The following PCLAF variants were observed in gnomAD, a reference collection of about 807,000 sequenced individuals.
The protein encoded by PCLAF is PCNA-associated factor.
In PCLAF, 12 loss-of-function variants were observed where a neutral mutation model predicts 15.1. That is an observed-to-expected ratio of 0.79 (90% confidence interval 0.51 to 1.29). PCLAF has a LOEUF of 1.29. Ranked by LOEUF, PCLAF falls within the 50% of genes most tolerant of loss-of-function variation. The pLI, the probability that PCLAF is intolerant of heterozygous loss-of-function variation, is 0.00. For missense variants in PCLAF, 116 were observed against 130.9 expected, an observed-to-expected ratio of 0.89 and a Z score of 0.56; for synonymous variants, 33 against 47.1, an observed-to-expected ratio of 0.70 and a Z score of 1.22.
intron 3 of PCLAF, among the ~76,000 whole-genome samples, chr15:64,368,480 T>G (rs573552883): frequency 6.6e-6 from 1 of 152,106 alleles, no homozygotes; most frequent in African/African-American, 2.4e-5. Context: ...GCATCATAAC[T>G]CTGTTAAAGG....
rs1473780852 is a variant in PCLAF, at chr15:64,376,812, T to C, written c.221A>G (p.Lys74Arg). The stretch of plus-strand genomic sequence containing the variant: ...AATCTGATTCTCTTTTTCAGAATCT[T>C]TAGGGGACAACCTAAAGAATTCTCC... ...GIGEFFRLSP[K>R]DSEKENQIPE... Residue 74 changes from lysine to arginine, a missense_variant, in exon 3 of 4, where the codon AAA (lysine) becomes AGA (arginine). Physicochemically the swap from Lys to Arg is conservative, Grantham distance 26. Transcript: ENST00000300035. The C allele has an allele frequency of 6.2e-7, 1 of 1,614,086 alleles. No individual in the cohort carries two copies. The highest frequency in any genetic ancestry group is 8.5e-7 in the Non-Finnish European group (1 of 1,179,962).
upstream of PCLAF, among the ~76,000 whole-genome samples, chr15:64,385,397 G>A (rs531679304): frequency 1.3e-5 from 2 of 151,820 alleles, no homozygotes; most frequent in African/African-American, 2.4e-5. Flanking sequence ...AGGCCGAGGC[G>A]GGAGGATCAC....
intron 3 of PCLAF, chr15:64,373,820 A>T: frequency 6.6e-7 from 1 of 1,508,424 alleles, no homozygotes; most frequent in Non-Finnish European, 8.9e-7. Context: ...TCATAATGGC[A>T]GTGACATCAC....
intron 3 of PCLAF, among the ~76,000 whole-genome samples, chr15:64,375,225 A>G (rs1236736988): frequency 6.6e-6 from 1 of 152,146 alleles, no homozygotes; most frequent in Non-Finnish European, 1.5e-5. Context: ...TTCAGGTTCA[A>G]GCAATTCTCC....
intron 3 of PCLAF, chr15:64,373,762 T>G: frequency 6.5e-7 from 1 of 1,535,862 alleles, no homozygotes. Context: ...GGGTGGCTCC[T>G]GGCTGGTGCA....
At chr15:64,373,550 G>T in intron 3 of PCLAF, 1 of 1,342,152 alleles carries the variant, frequency 7.5e-7, no homozygotes, top group Non-Finnish European at 9.7e-7. Context: ...ACCGGCTGTA[G>T]GCTGTAGGGC....
At chr15:64,383,078 T>C (rs978600057), upstream of PCLAF, 6 of 154,452 alleles carry the variant, frequency 3.9e-5, no homozygotes, top group African/African-American at 1.4e-4. Flanking sequence ...ACTCTAGAAG[T>C]GTAAACACAG....
In PCLAF at chr15:64,380,920, C is replaced by T. The variant is rs751140531; in HGVS notation, c.127+38G>A. 8.3e-6 allele frequency: 13 copies of T among 1,575,650 alleles called. No individual in the cohort carries two copies. The East Asian group carries it at 2.5e-4, about 30-fold the overall frequency. ...TGGCAAGCCAGGGGCTTGCAGGTGC[C>T]AGGACTGATCCCCTAACTTTAGGAG... On this transcript the variant is annotated intron_variant, in intron 2 of 3. Transcript: ENST00000300035.
rs1407472258 is a variant in PCLAF at position 64,374,116 on chromosome 15, T to A, written c.290+2627A>T. Among the ~76,000 whole-genome samples the A allele has an allele frequency of 3.3e-5, 5 of 152,342 alleles. No homozygotes were observed. In the East Asian group the frequency reaches 7.7e-4, roughly 23 times the overall value. On this transcript the variant is annotated intron_variant, in intron 3 of 3. Coordinates refer to ENST00000300035, the MANE Select transcript of PCLAF (RefSeq NM_014736.6). ...ATAAGTATTATTGATATTTGGTATA[T>A]TTTCATATAGTACATATACATGTAT...
intron 2 of PCLAF, 32 bp downstream of exon 2, chr15:64,380,926 T>A (rs1899793725): frequency 1.3e-6 from 2 of 1,591,044 alleles, no homozygotes; most frequent in Admixed American, 1.7e-5. Flanking sequence ...GTGCCAGGAC[T>A]GATCCCCTAA....
chr15:64,368,426 T>C (rs1480374256), intron 3 of PCLAF, among the ~76,000 whole-genome samples: 1 of 152,214 alleles, frequency 6.6e-6, no homozygotes, highest in Admixed American at 6.5e-5. Flanking sequence ...ATGAACATTA[T>C]CATAACCCAG....
At chr15:64,377,871 C>A (rs1899675639) in intron 2 of PCLAF, among the ~76,000 whole-genome samples, 1 of 150,462 alleles carries the variant, frequency 6.6e-6, no homozygotes, top group Admixed American at 6.7e-5. Context: ...CCTGCCTCAG[C>A]CTCCCGAGTA....
At chr15:64,383,239 T>G (rs1472536710), upstream of PCLAF, among the ~76,000 whole-genome samples, 1 of 152,194 alleles carries the variant, frequency 6.6e-6, no homozygotes, top group Non-Finnish European at 1.5e-5. Flanking sequence ...GGCAATTACC[T>G]GTAGTTTTGT....
chr15:64,387,386 TAAA>T, intron 1 of PCLAF: 2 of 888,854 alleles, frequency 2.3e-6, no homozygotes, highest in Non-Finnish European at 2.9e-6. Context: ...CGTCTCAAAA[TAAA>T]TAAATAAATT....
chr15:64,373,815 A>C, intron 3 of PCLAF: 2 of 1,522,042 alleles, frequency 1.3e-6, no homozygotes, highest in Non-Finnish European at 8.8e-7. Flanking sequence ...GGGCATCATA[A>C]TGGCAGTGAC....
exon 1 of PCLAF, chr15:64,387,485 A>T: frequency 7.8e-7 from 1 of 1,283,942 alleles, no homozygotes; most frequent in South Asian, 1.3e-5. Context: ...TTTATTTTAC[A>T]TAAAACCATG....
intron 2 of PCLAF, among the ~76,000 whole-genome samples, chr15:64,380,507 A>T (rs1038248106): frequency 6.6e-6 from 1 of 152,052 alleles, no homozygotes; most frequent in Non-Finnish European, 1.5e-5. Flanking sequence ...GTTTGAGACC[A>T]GCTTAGGCAA....
chr15:64,377,450 A>G, intron 2 of PCLAF, among the ~76,000 whole-genome samples: 1 of 123,204 alleles, frequency 8.1e-6, no homozygotes, highest in Non-Finnish European at 1.7e-5. Context: ...CCAGTCTGGC[A>G]ACAGAGCGAG....
chr15:64,386,653 T>C (rs1211101601), intron 1 of PCLAF, among the ~76,000 whole-genome samples: 1 of 152,092 alleles, frequency 6.6e-6, no homozygotes, highest in African/African-American at 2.4e-5. Context: ...TGTGTTTGTG[T>C]GTGTGTCTCC....
Sources: gnomAD v4.1 joint callset for allele counts (sites outside exome capture counted in the v4.1 genomes callset) on GRCh38, gnomAD v4.1.1 for gene constraint, MANE v1.5 for transcripts, NCBI Gene and HGNC (gene_info 2026-07-23, HGNC 2026-07-21) for gene names.